Variants in RGS9 observed in about 807,000 individuals in gnomAD.
RGS9 encodes regulator of G-protein signalling 9.
RGS9 carries 78 observed loss-of-function variants against 102.0 expected under a neutral mutation model. The ratio of observed to expected loss-of-function variants is 0.76; its 90% confidence interval spans 0.64 to 0.92. The LOEUF is 0.92. RGS9 is among the 40% of genes least tolerant of loss of function. RGS9 has a pLI of 0.00. For synonymous variants in RGS9, 353 were observed against 318.6 expected, an observed-to-expected ratio of 1.11 and a Z score of -1.15; for missense variants, 833 against 866.1, an observed-to-expected ratio of 0.96 and a Z score of 0.48.
intron 16 of RGS9, among the ~76,000 whole-genome samples, chr17:65,208,321 G>A (rs567612212): frequency 7.2e-4 from 109 of 152,176 alleles, no homozygotes; most frequent in Admixed American, 2.7e-3. Flanking sequence ...ACTGCTACTC[G>A]TTACCTCCAA....
At chr17:65,166,367 T>A (rs1911180175) in intron 7 of RGS9, among the ~76,000 whole-genome samples, 1 of 152,242 alleles carries the variant, frequency 6.6e-6, no homozygotes, top group Non-Finnish European at 1.5e-5. Flanking sequence ...TGCATGATGG[T>A]ACTCTGTTTC....
intron 16 of RGS9, among the ~76,000 whole-genome samples, chr17:65,210,107 A>T (rs1913231648): frequency 6.6e-6 from 1 of 152,166 alleles, no homozygotes; most frequent in Admixed American, 6.5e-5. Context: ...GCCCCAAAAA[A>T]GAAAAGAAAA....
rs1909949146 is a variant in RGS9 at position 65,137,450 on chromosome 17, C to G, written c.-91C>G. On this transcript the variant is annotated 5_prime_UTR_variant, in exon 1 of 19. Transcript: ENST00000262406. Reference sequence around the variant, plus strand: ...GCCGCCTCCCCGTCGACGCCCAGGGCTGGGGCGAGCCAGGCTGCCTTTCGA... The same window carrying G: ...GCCGCCTCCCCGTCGACGCCCAGGGGTGGGGCGAGCCAGGCTGCCTTTCGA... 3 of 1,366,888 alleles carry G rather than the reference C, an allele frequency of 2.2e-6. No homozygotes were observed. The East Asian group carries it at 6.9e-5, about 31-fold the overall frequency. The allele number at this position is 1,366,888 out of a possible 1,614,324, so 84.7% of individuals were successfully genotyped here. A position where few individuals can be genotyped will look rare whatever the true frequency, so the allele number is the denominator to read the frequency against.
At chr17:65,162,539 T>C (rs944488500) in intron 6 of RGS9, among the ~76,000 whole-genome samples, 2 of 152,196 alleles carry the variant, frequency 1.3e-5, no homozygotes, top group Admixed American at 1.3e-4. Context: ...CTTGGCTCAC[T>C]GCAAGCTCTG....
intron 17 of RGS9, among the ~76,000 whole-genome samples, chr17:65,212,388 G>T (rs1376655720): frequency 6.6e-6 from 1 of 152,206 alleles, no homozygotes; most frequent in African/African-American, 2.4e-5. Flanking sequence ...AGGAAAGATG[G>T]GATGTGTGTA....
At chr17:65,208,071 C>T (rs1327328154) in intron 16 of RGS9, 64 bp downstream of exon 16, 1 of 1,126,476 alleles carries the variant, frequency 8.9e-7, no homozygotes, top group Non-Finnish European at 1.4e-6. Flanking sequence ...GTGAGGGTCT[C>T]TTTCAGCCAA....
intron 9 of RGS9, among the ~76,000 whole-genome samples, chr17:65,180,495 G>A (rs1372055169): frequency 6.6e-6 from 1 of 152,042 alleles, no homozygotes; most frequent in Non-Finnish European, 1.5e-5. Flanking sequence ...TTACAGGTGT[G>A]TTCCACCACG....
chr17:65,174,574 AGTGT>A (rs1453274865), intron 8 of RGS9, among the ~76,000 whole-genome samples: 1 of 151,346 alleles, frequency 6.6e-6, no homozygotes, highest in Non-Finnish European at 1.5e-5. Flanking sequence ...TGTGAGTGTG[AGTGT>A]GCATATGTAT....
At chr17:65,180,030 GC>G (rs1336924870) in intron 9 of RGS9, 1 of 152,198 alleles carries the variant, frequency 6.6e-6, no homozygotes, top group African/African-American at 2.4e-5. Flanking sequence ...CACTCTGGCT[GC>G]TGTGGAATAA....
At chr17:65,171,843 T>C (rs1238613402) in intron 8 of RGS9, among the ~76,000 whole-genome samples, 1 of 152,232 alleles carries the variant, frequency 6.6e-6, no homozygotes, top group East Asian at 1.9e-4. Context: ...GTGAGTTTTG[T>C]AAATGAACAA....
At chr17:65,225,553 A>C in intron 18 of RGS9, 67 bp downstream of exon 18, 1 of 1,597,132 alleles carries the variant, frequency 6.3e-7, no homozygotes, top group South Asian at 1.1e-5. Flanking sequence ...CTGCATGTGA[A>C]TATGCATGCT....
chr17:65,158,270 A>G, intron 2 of RGS9, 25 bp from the exon 3 acceptor site: 1 of 1,613,070 alleles, frequency 6.2e-7, no homozygotes, highest in Non-Finnish European at 8.5e-7. Flanking sequence ...TATGACAATA[A>G]CCGCAAATGT....
intron 15 of RGS9, among the ~76,000 whole-genome samples, chr17:65,204,567 A>G (rs375504075): frequency 1.9e-4 from 29 of 152,142 alleles, no homozygotes; most frequent in African/African-American, 7.0e-4. Flanking sequence ...AAAGAGAGAG[A>G]AAGAGAAAAA....
chr17:65,190,330 C>T (rs1598601781), intron 11 of RGS9, 94 bp downstream of exon 11: 1 of 987,848 alleles, frequency 1.0e-6, no homozygotes, highest in East Asian at 2.4e-5. Context: ...GGCTGACAGA[C>T]TGAAGATTCA....
chr17:65,198,182 G>A (rs895084999), intron 13 of RGS9, among the ~76,000 whole-genome samples: 1 of 152,122 alleles, frequency 6.6e-6, no homozygotes, highest in African/African-American at 2.4e-5. Flanking sequence ...GGCCTTAGGA[G>A]GGTGTGGATT....
At chr17:65,178,516 T>C (rs1911734694) in intron 9 of RGS9, among the ~76,000 whole-genome samples, 1 of 152,046 alleles carries the variant, frequency 6.6e-6, no homozygotes, top group African/African-American at 2.4e-5. Flanking sequence ...AATTCATTTA[T>C]TATTTGAGAC....
chr17:65,171,438 C>G (rs2144022231), intron 8 of RGS9, among the ~76,000 whole-genome samples: 1 of 152,324 alleles, frequency 6.6e-6, no homozygotes, highest in Non-Finnish European at 1.5e-5. Context: ...CCACATCTTT[C>G]TGATGGTAAA....
chr17:65,186,918 C>T (rs1192904678), intron 9 of RGS9, among the ~76,000 whole-genome samples: 1 of 152,166 alleles, frequency 6.6e-6, no homozygotes, highest in African/African-American at 2.4e-5. Flanking sequence ...TTCTGAATAA[C>T]CCACTCCAGC....
At chr17:65,180,304 G>A (rs1410113088) in intron 9 of RGS9, among the ~76,000 whole-genome samples, 1 of 152,176 alleles carries the variant, frequency 6.6e-6, no homozygotes, top group African/African-American at 2.4e-5. Context: ...CTGGTTTGAA[G>A]AGAGGTCATT....
Sources: gnomAD v4.1 joint callset for allele counts (sites outside exome capture counted in the v4.1 genomes callset) on GRCh38, gnomAD v4.1.1 for gene constraint, MANE v1.5 for transcripts, NCBI Gene and HGNC (gene_info 2026-07-23, HGNC 2026-07-21) for gene names.